BEND7: variants seen among roughly 807,000 people sequenced by gnomAD.
BEND7 encodes BEN domain containing 7, also known as BEN domain-containing protein 7.
In BEND7, 28 loss-of-function variants were observed where a neutral mutation model predicts 50.9. That is an observed-to-expected ratio of 0.55 (90% CI 0.41 to 0.75). BEND7 has a LOEUF of 0.75. Ranked by LOEUF, BEND7 falls within the 30% of genes least tolerant of loss-of-function variation. The probability of loss-of-function intolerance (pLI) is 0.00; values close to 1 mark genes in which losing one functional copy is unlikely to be tolerated. For missense variants in BEND7, 477 were observed against 491.3 expected (o/e 0.97, Z 0.28); for synonymous variants, 170 against 183.9 (o/e 0.92, Z 0.61).
intron 5 of BEND7, among the ~76,000 whole-genome samples, chr10:13,486,959 A>G (rs1206502798): frequency 6.6e-6 from 1 of 152,062 alleles, no homozygotes; most frequent in Non-Finnish European, 1.5e-5. Context: ...CAAGATGTCC[A>G]CTCTGAGAGA....
chr10:13,529,508 T>C (rs1028772717), upstream of BEND7, among the ~76,000 whole-genome samples: 1 of 152,118 alleles, frequency 6.6e-6, no homozygotes, highest in African/African-American at 2.4e-5. Flanking sequence ...AGAGCTCCCA[T>C]TCCCTAACCC....
At chr10:13,463,011 C>T (rs956215948) in intron 6 of BEND7, among the ~76,000 whole-genome samples, 9 of 152,202 alleles carry the variant, frequency 5.9e-5, no homozygotes, top group Non-Finnish European at 1.3e-4. Context: ...CATCCTTGAT[C>T]TACAACAAAT....
At chr10:13,465,757 G>T (rs1370566596) in intron 6 of BEND7, among the ~76,000 whole-genome samples, 1 of 152,102 alleles carries the variant, frequency 6.6e-6, no homozygotes, top group Non-Finnish European at 1.5e-5. Context: ...TGACAGTCAG[G>T]AGTGAATCTA....
intron 2 of BEND7, among the ~76,000 whole-genome samples, chr10:13,505,535 C>G (rs1457994774): frequency 1.3e-5 from 2 of 152,206 alleles, no homozygotes; most frequent in Non-Finnish European, 2.9e-5. Context: ...CAGGGGTGTG[C>G]TACCCTCCCC....
downstream of BEND7, chr10:13,439,307 G>A: frequency 6.2e-7 from 1 of 1,614,162 alleles, no homozygotes; most frequent in East Asian, 2.2e-5. Flanking sequence ...TGAAGTCTTG[G>A]CTGGTTTGGG....
chr10:13,441,768 A>C lies in BEND7; in HGVS notation c.1235-18T>G. On this transcript the variant is annotated intron_variant, in intron 8 of 8. Transcript: ENST00000466271. The stretch of plus-strand genomic sequence containing the variant: ...TCAGACCACTTGAGAAAACAAAGGG[A>C]CTGTTGTCAGGAACGGGATTACTTA... 6.2e-7 allele frequency: 1 copy of C among 1,613,150 alleles called. No homozygotes were observed. Among genetic ancestry groups the C allele is most frequent in the Non-Finnish European group, 8.5e-7 (1 of 1,179,182 alleles).
intron 2 of BEND7, among the ~76,000 whole-genome samples, chr10:13,523,462 C>T (rs573437411): frequency 9.8e-5 from 15 of 152,306 alleles, no homozygotes; most frequent in Non-Finnish European, 1.8e-4. Context: ...TCACCTAGAA[C>T]ATAAACTTTG....
intron 1 of BEND7, among the ~76,000 whole-genome samples, chr10:13,526,493 C>T (rs1038011132): frequency 6.6e-6 from 1 of 152,102 alleles, no homozygotes; most frequent in African/African-American, 2.4e-5. Flanking sequence ...CCCACAGATG[C>T]CAATTTTTAG....
upstream of BEND7, among the ~76,000 whole-genome samples, chr10:13,529,163 G>C (rs1272448432): frequency 6.9e-6 from 1 of 144,458 alleles, no homozygotes; most frequent in African/African-American, 2.5e-5. Context: ...GCCGCGCGGC[G>C]CCCCGAGGAG....
At chr10:13,491,223 G>C (rs2076631881) in intron 5 of BEND7, among the ~76,000 whole-genome samples, 1 of 150,322 alleles carries the variant, frequency 6.7e-6, no homozygotes, top group Admixed American at 6.7e-5. Context: ...TGAGGTAGGA[G>C]AATTGCTTGA....
intron 2 of BEND7, among the ~76,000 whole-genome samples, chr10:13,505,244 G>C (rs545030365): frequency 6.0e-4 from 92 of 152,296 alleles, no homozygotes; most frequent in African/African-American, 2.1e-3. Context: ...TACAACTGCT[G>C]CCTGGTGACC....
intron 6 of BEND7, among the ~76,000 whole-genome samples, chr10:13,455,356 G>T (rs1436957976): frequency 1.3e-5 from 2 of 152,074 alleles, no homozygotes; most frequent in Non-Finnish European, 2.9e-5. Context: ...CCAGGCAGGA[G>T]GGGTGGGGAG....
At chr10:13,459,447 A>G (rs1351758696) in intron 6 of BEND7, 1 of 152,250 alleles carries the variant, frequency 6.6e-6, no homozygotes, top group Non-Finnish European at 1.5e-5. Flanking sequence ...TCAAGGAGAA[A>G]GTGGAAACAT....
downstream of BEND7, among the ~76,000 whole-genome samples, chr10:13,440,348 G>T (rs1008390480): frequency 6.6e-6 from 1 of 152,252 alleles, no homozygotes; most frequent in African/African-American, 2.4e-5. Flanking sequence ...CCTGACTCCA[G>T]CTTCAGAGCA....
At chr10:13,468,960 C>T (rs1381653283) in intron 6 of BEND7, among the ~76,000 whole-genome samples, 1 of 152,156 alleles carries the variant, frequency 6.6e-6, no homozygotes, top group Non-Finnish European at 1.5e-5. Flanking sequence ...CCAGCACAGG[C>T]CCCATGCCCT....
chr10:13,439,256 A>T, downstream of BEND7: 3 of 1,614,146 alleles, frequency 1.9e-6, no homozygotes, highest in South Asian at 3.3e-5. Flanking sequence ...TCTGATGATG[A>T]AGTGTAGCTG....
intron 2 of BEND7, chr10:13,500,591 A>G: frequency 1.0e-6 from 1 of 987,588 alleles, no homozygotes; most frequent in Non-Finnish European, 1.2e-6. Flanking sequence ...CTACTGACAC[A>G]ATGTCCTTCA....
chr10:13,442,304 G>A (rs1457698604), intron 8 of BEND7: 1 of 152,534 alleles, frequency 6.6e-6, no homozygotes, highest in African/African-American at 2.4e-5. Flanking sequence ...TGAACCCCGG[G>A]TTTGGTGATG....
At chr10:13,512,214 C>T (rs115523850) in intron 2 of BEND7, among the ~76,000 whole-genome samples, 1,963 of 152,216 alleles carry the variant, frequency 0.013, 46 homozygotes, top group African/African-American at 0.044. Context: ...GCTACAACCA[C>T]GCCTGTTAAC....
Sources: allele counts gnomAD v4.1 joint callset (sites outside exome capture counted in the v4.1 genomes callset), GRCh38; gene constraint gnomAD v4.1.1; transcripts MANE v1.5; gene names NCBI Gene and HGNC (gene_info 2026-07-23, HGNC 2026-07-21).